Variants in OXR1 observed in about 807,000 individuals in gnomAD.
OXR1 encodes oxidation resistance protein 1.
OXR1 carries 41 observed loss-of-function variants against 104.6 expected under a neutral mutation model. The ratio of observed to expected loss-of-function variants is 0.39; its 90% CI spans 0.31 to 0.51. OXR1 has a LOEUF of 0.51. OXR1 is among the 20% of genes least tolerant of loss of function. OXR1 has a pLI of 0.77. For synonymous variants in OXR1, 348 were observed against 348.4 expected (o/e 1.00, Z 0.01); for missense variants, 955 against 1,031.9 (o/e 0.93, Z 1.02).
intron 1 of OXR1, among the ~76,000 whole-genome samples, chr8:106,303,358 A>G (rs536234721): frequency 7.0e-6 from 1 of 141,958 alleles, no homozygotes; most frequent in African/African-American, 2.7e-5. Flanking sequence ...GGGTCACACC[A>G]TTCTCCTGCC....
In OXR1 at chr8:106,706,486, G is replaced by C; in HGVS notation, c.965G>C (p.Ser322Thr). The change falls in exon 9 of 17, where the codon AGT (serine) becomes ACT (threonine). Residue 322 changes from serine to threonine, a missense_variant. By Grantham distance (58) the Ser-to-Thr change is moderately conservative (BLOSUM62 1). This residue lies in a region of OXR1 where 849 missense variants were observed against 852.9 expected (regional missense o/e 1.00). Transcript: ENST00000517566. ...DSRIRDAGND[S>T]ASTAPRSTEE... ...AGAATCCGAGATGCAGGTAATGATAGTGCCAGCACTGCTCCTAGGAGCACT... is the reference window on the plus strand; with the variant it reads ...AGAATCCGAGATGCAGGTAATGATACTGCCAGCACTGCTCCTAGGAGCACT... The C allele has an allele frequency of 2.5e-6, 4 of 1,597,816 alleles. No homozygotes were observed. The highest frequency in any genetic ancestry group is 3.4e-6 in the Non-Finnish European group (4 of 1,176,094).
intron 3 of OXR1, chr8:106,657,745 CCA>C (rs1383136739): frequency 1.2e-6 from 1 of 857,854 alleles, no homozygotes; most frequent in Non-Finnish European, 1.5e-6. Flanking sequence ...CATTTAGAAG[CCA>C]CAAGAAAAAC....
Position 106,377,651 on chromosome 8 carries a change from C to T in OXR1, c.23+18015C>T, listed in dbSNP as rs1409698537. ...GATATATTTCAGAGGGATATACAGT[C>T]ATCCGAGTTTCTGAAATTTGGCCTA... On this transcript the variant is annotated intron_variant, in intron 2 of 16. Transcript: ENST00000517566. 3.9e-5 allele frequency among the ~76,000 whole-genome samples: 6 copies of T among 152,178 alleles called. No individual in the cohort carries two copies. In the East Asian group the frequency reaches 9.6e-4, roughly 24 times the overall value.
intron 16 of OXR1, among the ~76,000 whole-genome samples, chr8:106,749,791 A>T (rs1835722706): frequency 6.6e-6 from 1 of 152,126 alleles, no homozygotes; most frequent in African/African-American, 2.4e-5. Context: ...CTCTTCTATT[A>T]GGTAGGAAAA....
intron 3 of OXR1, among the ~76,000 whole-genome samples, chr8:106,641,282 T>C (rs1468633277): frequency 3.9e-5 from 6 of 152,164 alleles, no homozygotes; most frequent in Non-Finnish European, 7.3e-5. Flanking sequence ...TGGGACCTCA[T>C]AGCTTTTGAA....
intron 2 of OXR1, among the ~76,000 whole-genome samples, chr8:106,511,818 T>C (rs954143023): frequency 1.3e-5 from 2 of 152,214 alleles, no homozygotes; most frequent in Admixed American, 6.5e-5. Flanking sequence ...AATTCCAGAA[T>C]GTGGCCTTTG....
intron 2 of OXR1, among the ~76,000 whole-genome samples, chr8:106,376,374 G>A (rs1816906646): frequency 6.6e-6 from 1 of 152,018 alleles, no homozygotes; most frequent in African/African-American, 2.4e-5. Context: ...GACATTGACG[G>A]GGGATTTCCC....
intron 2 of OXR1, among the ~76,000 whole-genome samples, chr8:106,451,089 A>G (rs897609735): frequency 2.2e-4 from 33 of 152,200 alleles, no homozygotes; most frequent in African/African-American, 8.0e-4. Context: ...AGTGTCTGAA[A>G]TAAATATTCT....
At chr8:106,497,750 G>A (rs1006245540) in intron 2 of OXR1, among the ~76,000 whole-genome samples, 5 of 151,942 alleles carry the variant, frequency 3.3e-5, no homozygotes, top group African/African-American at 1.2e-4. Context: ...CTTCCTTGGG[G>A]GAAAGGTTTA....
At chr8:106,391,124 T>C (rs533463352) in intron 2 of OXR1, among the ~76,000 whole-genome samples, 145 of 152,332 alleles carry the variant, frequency 9.5e-4, no homozygotes, top group Non-Finnish European at 1.8e-3. Context: ...GAAGCAGAGA[T>C]AAAACAAGAT....
intron 3 of OXR1, among the ~76,000 whole-genome samples, chr8:106,666,025 A>C (rs1327535641): frequency 6.6e-6 from 1 of 152,158 alleles, no homozygotes; most frequent in Non-Finnish European, 1.5e-5. Flanking sequence ...GTAAGTACAG[A>C]CTTCAGTTTC....
chr8:106,461,568 TA>T (rs1820920796), intron 2 of OXR1, among the ~76,000 whole-genome samples: 3 of 152,056 alleles, frequency 2.0e-5, no homozygotes, highest in Admixed American at 6.6e-5. Flanking sequence ...GTCTCAAAAA[TA>T]AAAACAAATA....
intron 2 of OXR1, among the ~76,000 whole-genome samples, chr8:106,399,314 A>C (rs1468160791): frequency 6.6e-6 from 1 of 152,208 alleles, no homozygotes; most frequent in Non-Finnish European, 1.5e-5. Context: ...GTATTCAGTG[A>C]TACAGCTGTG....
At chr8:106,507,329 A>G (rs1812235118) in intron 2 of OXR1, among the ~76,000 whole-genome samples, 1 of 152,120 alleles carries the variant, frequency 6.6e-6, no homozygotes, top group African/African-American at 2.4e-5. Flanking sequence ...CAAATGAGGA[A>G]ACTATGGAGA....
At chr8:106,471,068 AAGG>A (rs1821465313) in intron 2 of OXR1, among the ~76,000 whole-genome samples, 1 of 151,692 alleles carries the variant, frequency 6.6e-6, no homozygotes, top group South Asian at 2.1e-4. Flanking sequence ...TTTTTTGGCA[AAGG>A]AGGCACAGAA....
At chr8:106,456,576 A>G (rs927958817) in intron 2 of OXR1, among the ~76,000 whole-genome samples, 1 of 152,190 alleles carries the variant, frequency 6.6e-6, no homozygotes, top group African/African-American at 2.4e-5. Context: ...AACAAATGGA[A>G]TCTATCTTGA....
chr8:106,422,216 T>A (rs1462573855), intron 2 of OXR1, among the ~76,000 whole-genome samples: 1 of 152,074 alleles, frequency 6.6e-6, no homozygotes, highest in African/African-American at 2.4e-5. Context: ...GGCTGAAAAT[T>A]AAGGAGGAAA....
intron 2 of OXR1, among the ~76,000 whole-genome samples, chr8:106,414,880 G>T (rs1390665498): frequency 6.6e-6 from 1 of 152,116 alleles, no homozygotes; most frequent in Non-Finnish European, 1.5e-5. Flanking sequence ...GGTTTTGTGT[G>T]GAGGAGCAAT....
chr8:106,436,526 A>AC (rs397801673), intron 2 of OXR1, among the ~76,000 whole-genome samples: 4 of 151,332 alleles, frequency 2.6e-5, no homozygotes, highest in African/African-American at 7.3e-5. Context: ...CCTATGCAAA[A>AC]AAAAAAAATG....
Sources: allele counts gnomAD v4.1 joint callset (sites outside exome capture counted in the v4.1 genomes callset), GRCh38; gene constraint gnomAD v4.1.1; regional missense constraint gnomAD v4.1.1; transcripts MANE v1.5; gene names NCBI Gene and HGNC (gene_info 2026-07-23, HGNC 2026-07-21).